The following NLRP2 variants were observed in gnomAD, a reference collection of about 807,000 sequenced individuals.
NLRP2 encodes the protein NACHT, LRR and PYD domains-containing protein 2.
In NLRP2, 107 loss-of-function variants were observed where a neutral mutation model predicts 97.2. The observed-to-expected ratio is 1.10, with a 90% CI of 0.94 to 1.29. NLRP2 has a LOEUF of 1.29. Ranked by LOEUF, NLRP2 falls within the 50% of genes most tolerant of loss-of-function variation. NLRP2 has a pLI of 0.00. For missense variants in NLRP2, 1,495 were observed against 1,330.3 expected (o/e 1.12, Z -1.93); for synonymous variants, 663 against 551.5 (o/e 1.20, Z -2.83).
In NLRP2 at chr19:54,970,071, G is replaced by T. The variant is rs758172743; in HGVS notation, c.56G>T (p.Ser19Ile). ...CTGCAGGCTCTCCTGGAGCAGCTCA[G>T]CCAGGATGAGTTGAGCAAGTTCAAG... is the stretch of plus-strand genomic sequence containing the variant. Reference protein sequence around the residue: ...FNLQALLEQLSQDELSKFKYL... With the variant: ...FNLQALLEQLIQDELSKFKYL... Residue 19 changes from serine to isoleucine, a missense_variant, in exon 2 of 13, where the codon AGC (serine) becomes ATC (isoleucine). By Grantham distance (142) the Ser-to-Ile change is moderately radical (BLOSUM62 -2). Transcript: ENST00000448584. 5 of 1,614,100 alleles carry T rather than the reference G, an allele frequency of 3.1e-6. No homozygotes were observed. Among genetic ancestry groups the T allele is most frequent in the Admixed American group, 3.3e-5 (2 of 59,976 alleles).
At chr19:54,980,140 A>G (rs1265236566) in intron 4 of NLRP2, among the ~76,000 whole-genome samples, 1 of 151,706 alleles carries the variant, frequency 6.6e-6, no homozygotes, top group African/African-American at 2.4e-5. Context: ...CTCTATCATC[A>G]TGCTTCAGCA....
intron 2 of NLRP2, among the ~76,000 whole-genome samples, chr19:54,970,941 A>G (rs1231939696): frequency 1.4e-5 from 2 of 139,012 alleles, no homozygotes; most frequent in African/African-American, 5.3e-5. Flanking sequence ...ATCTAGCATT[A>G]GGTATATCTC....
At chr19:54,994,058 G>A (rs754586990) in intron 10 of NLRP2, 15 of 645,548 alleles carry the variant, frequency 2.3e-5, no homozygotes, top group Non-Finnish European at 3.9e-5. Flanking sequence ...TCACCTCTAC[G>A]AGGTCCCTTT....
At chr19:54,972,534 G>A (rs537396152) in intron 2 of NLRP2, among the ~76,000 whole-genome samples, 3 of 152,024 alleles carry the variant, frequency 2.0e-5, no homozygotes, top group African/African-American at 7.2e-5. Context: ...GAGTACAATG[G>A]GGCAATCACA....
intron 1 of NLRP2, among the ~76,000 whole-genome samples, chr19:54,966,707 A>G (rs1278182676): frequency 1.3e-3 from 199 of 151,286 alleles, no homozygotes; most frequent in Middle Eastern, 6.9e-3. Flanking sequence ...CACTATGCCC[A>G]GCTAATTTTT....
chr19:54,994,123 C>T (rs1465606963), intron 10 of NLRP2, 146 bp from the exon 11 acceptor site: 1 of 881,006 alleles, frequency 1.1e-6, no homozygotes, highest in Non-Finnish European at 1.9e-6. Context: ...GGCCATTCTT[C>T]TGTCCACCAC....
At chr19:54,984,339 T>G (rs868070773) in intron 6 of NLRP2, among the ~76,000 whole-genome samples, 13 of 117,450 alleles carry the variant, frequency 1.1e-4, no homozygotes, top group Non-Finnish European at 1.8e-4. Flanking sequence ...GTTTTTTTTT[T>G]TTTTTTTTTT....
At position 54,997,476 on chromosome 19, in the gene NLRP2, C is replaced by T; in HGVS notation, c.3039C>T (p.Leu1013=). Residue 1013 remains leucine, a synonymous_variant, in exon 12 of 13, where the codon CTC becomes CTT. Transcript: ENST00000448584. The part of the protein sequence containing the change: ...FETLTCSSGT[L]RTLRLKIDDF... ...CCTTGACATGTTCCAGTGGCACCCTCCGGACACTCAGGTATGATCCATTTA... is the reference window on the plus strand; with the variant it reads ...CCTTGACATGTTCCAGTGGCACCCTTCGGACACTCAGGTATGATCCATTTA... 6.2e-7 allele frequency: 1 copy of T among 1,614,186 alleles called. No homozygotes were observed. The highest frequency in any genetic ancestry group is 8.5e-7 in the Non-Finnish European group (1 of 1,180,028).
chr19:54,968,956 C>T (rs962904673), intron 1 of NLRP2, among the ~76,000 whole-genome samples: 1 of 151,984 alleles, frequency 6.6e-6, no homozygotes, highest in African/African-American at 2.4e-5. Flanking sequence ...CCGCCTCGGC[C>T]TCCCAAAGTG....
chr19:54,983,996 G>A (rs183404532), intron 6 of NLRP2, among the ~76,000 whole-genome samples: 5 of 152,072 alleles, frequency 3.3e-5, no homozygotes, highest in Admixed American at 1.3e-4. Context: ...GACTACAGGC[G>A]CCTGCCACCT....
intron 3 of NLRP2, among the ~76,000 whole-genome samples, chr19:54,977,123 G>C (rs544739251): frequency 6.6e-6 from 1 of 152,048 alleles, no homozygotes; most frequent in East Asian, 1.9e-4. Flanking sequence ...ATTCCACCTT[G>C]TTCTTACATT....
intron 10 of NLRP2, 61 bp downstream of exon 10, chr19:54,990,733 G>A (rs918771520): frequency 1.3e-6 from 2 of 1,561,858 alleles, no homozygotes; most frequent in African/African-American, 1.4e-5. Context: ...CCACCTCCGG[G>A]TTTGAGTAGG....
Position 54,982,691 on chromosome 19 carries a change from C to T in NLRP2, c.993C>T (p.Ala331=), listed in dbSNP as rs2071678997. Residue 331 remains alanine, a synonymous_variant, in exon 6 of 13, where the codon GCC becomes GCT. Transcript: ENST00000448584. ...LLNRVMLPKA[A]LLVTTRPRAL... ...ACAGGGTGATGTTACCCAAGGCCGCCCTGCTGGTCACCACGCGGCCCAGGG... is the reference window on the plus strand; with the variant it reads ...ACAGGGTGATGTTACCCAAGGCCGCTCTGCTGGTCACCACGCGGCCCAGGG... 6.2e-7 allele frequency: 1 copy of T among 1,613,996 alleles called. No homozygotes were observed. Among genetic ancestry groups the T allele is most frequent in the African/African-American group, 1.3e-5 (1 of 74,930 alleles).
chr19:54,998,679 A>G (rs1465522327), intron 12 of NLRP2, among the ~76,000 whole-genome samples: 1 of 104,978 alleles, frequency 9.5e-6, no homozygotes, highest in African/African-American at 3.9e-5. Context: ...TGTTTCTCAC[A>G]GAGGGGGATT....
intron 2 of NLRP2, among the ~76,000 whole-genome samples, chr19:54,971,972 G>T (rs1490609900): frequency 6.7e-6 from 1 of 148,284 alleles, no homozygotes; most frequent in Non-Finnish European, 1.5e-5. Context: ...GGGATTACAA[G>T]CATGTCCCAC....
chr19:54,997,217 T>TG (rs2072877992), intron 11 of NLRP2, 100 bp from the exon 12 acceptor site: 1 of 1,240,936 alleles, frequency 8.1e-7, no homozygotes, highest in Non-Finnish European at 1.2e-6. Flanking sequence ...AGACTTCTGT[T>TG]GGTCATGCAG....
Position 54,984,329 on chromosome 19 carries a change from G to GTGTGTTTTTTTTTTTTTTTTT in NLRP2, c.2030+602_2030+603insGTGTTTTTTTTTTTTTTTTTT. Among the ~76,000 whole-genome samples the GTGTGTTTTTTTTTTTTTTTTT allele has an allele frequency of 7.6e-3, 604 of 79,662 alleles. 61 individuals carry two copies. Among genetic ancestry groups the GTGTGTTTTTTTTTTTTTTTTT allele is most frequent in the Non-Finnish European group, 0.013 (503 of 39,954 alleles). 52.3% of individuals were successfully genotyped at this position (79,662 alleles called of 152,430 possible). ...AACTTAAGTGGGGGTTTTTTTTTGT[G>GTGTGTTTTTTTTTTTTTTTTT]TTTTTTTTTTTTTTTTTTTTTTTGG... On this transcript the variant is annotated intron_variant, in intron 6 of 12. Transcript: ENST00000448584.
At chr19:54,989,751 A>AGGT in intron 8 of NLRP2, 1 of 549,216 alleles carries the variant, frequency 1.8e-6, no homozygotes, top group Non-Finnish European at 3.3e-6. Context: ...TGGGAGGCCG[A>AGGT]GGTGGGCAGA....
chr19:54,985,195 A>T lies in NLRP2; in HGVS notation c.2179A>T (p.Thr727Ser). ...CCTGTGTGAACAAATAGCCTCTGAC[A>T]CCTGTCATCTCCAGAGAGTGGTGTA... ...RILCEQIASD[T>S]CHLQRVVFKN... The change falls in exon 7 of 13, where the codon ACC (threonine) becomes TCC (serine). Residue 727 changes from threonine (T) to serine (S), a missense_variant. Coordinates refer to ENST00000448584, the MANE Select transcript of NLRP2 (RefSeq NM_017852.5). 1 of 1,614,068 alleles carries T rather than the reference A, an allele frequency of 6.2e-7. No individual in the cohort carries two copies. Among genetic ancestry groups the T allele is most frequent in the Non-Finnish European group, 8.5e-7 (1 of 1,180,000 alleles).
Sources: allele counts gnomAD v4.1 joint callset (sites outside exome capture counted in the v4.1 genomes callset), GRCh38; gene constraint gnomAD v4.1.1; transcripts MANE v1.5; gene names NCBI Gene and HGNC (gene_info 2026-07-23, HGNC 2026-07-21).